MLLT3: variants seen among roughly 807,000 people sequenced by gnomAD.
MLLT3 encodes the protein MLLT3 super elongation complex subunit.
In MLLT3, 4 loss-of-function variants were observed where a neutral mutation model predicts 53.2. That is an observed-to-expected ratio of 0.08 (90% CI 0.04 to 0.17). The LOEUF (loss-of-function observed/expected upper bound fraction) is 0.17. Ranked by LOEUF, MLLT3 falls within the 10% of genes least tolerant of loss-of-function variation. The pLI is 1.00. For synonymous variants in MLLT3, 283 were observed against 230.6 expected (o/e 1.23, Z -2.06); for missense variants, 569 against 684.0 (o/e 0.83, Z 1.87).
At chr9:20,396,160 G>GC (rs558948069) in intron 5 of MLLT3, among the ~76,000 whole-genome samples, 2 of 148,818 alleles carry the variant, frequency 1.3e-5, no homozygotes. Context: ...TATTTTCAGG[G>GC]TTTTTTTTTT....
intron 4 of MLLT3, among the ~76,000 whole-genome samples, chr9:20,443,857 T>C (rs1823619888): frequency 1.3e-5 from 2 of 152,302 alleles, no homozygotes; most frequent in African/African-American, 2.4e-5. Context: ...TAAACTGAGA[T>C]GCAAAAAGAT....
At chr9:20,409,140 T>C (rs778662650) in intron 5 of MLLT3, among the ~76,000 whole-genome samples, 7 of 152,192 alleles carry the variant, frequency 4.6e-5, no homozygotes, top group Non-Finnish European at 8.8e-5. Flanking sequence ...GGAAAGATCA[T>C]TAAAACTTTT....
At chr9:20,445,107 T>C (rs1347355488) in intron 4 of MLLT3, among the ~76,000 whole-genome samples, 3 of 151,602 alleles carry the variant, frequency 2.0e-5, no homozygotes, top group Non-Finnish European at 4.4e-5. Context: ...AAAAAAAAAG[T>C]TCGTCGGGCT....
At chr9:20,546,710 G>C (rs1315329109) in intron 2 of MLLT3, among the ~76,000 whole-genome samples, 5 of 152,334 alleles carry the variant, frequency 3.3e-5, no homozygotes. Context: ...CCAACCCGGA[G>C]ATCCATTCCT....
chr9:20,400,301 G>A (rs1822423051), intron 5 of MLLT3, among the ~76,000 whole-genome samples: 1 of 152,052 alleles, frequency 6.6e-6, no homozygotes, highest in Admixed American at 6.6e-5. Context: ...AGAGAGATGA[G>A]GGAGAACCTA....
intron 2 of MLLT3, among the ~76,000 whole-genome samples, chr9:20,545,133 G>C (rs1198619146): frequency 2.2e-5 from 3 of 139,056 alleles, no homozygotes; most frequent in Non-Finnish European, 3.1e-5. Flanking sequence ...AGCAGCAGCA[G>C]CATTATTGAC....
chr9:20,566,996 T>C (rs566883332), intron 2 of MLLT3, among the ~76,000 whole-genome samples: 2 of 152,226 alleles, frequency 1.3e-5, no homozygotes, highest in South Asian at 4.1e-4. Context: ...TCTTATTAAC[T>C]GTCTTAAAGG....
chr9:20,618,537 A>C (rs948204927), intron 2 of MLLT3, among the ~76,000 whole-genome samples: 1 of 152,204 alleles, frequency 6.6e-6, no homozygotes, highest in Non-Finnish European at 1.5e-5. Context: ...TACAAATAAA[A>C]ATCCAAAAAT....
chr9:20,490,792 AC>A (rs1824928872), intron 2 of MLLT3, among the ~76,000 whole-genome samples: 1 of 152,198 alleles, frequency 6.6e-6, no homozygotes. Flanking sequence ...TCTCACAACA[AC>A]CCTGAAAAGT....
chr9:20,509,186 G>C (rs1375696371), intron 2 of MLLT3, among the ~76,000 whole-genome samples: 1 of 152,184 alleles, frequency 6.6e-6, no homozygotes, highest in Admixed American at 6.5e-5. Context: ...TCTCCATTCA[G>C]AGTCCAGACT....
chr9:20,392,999 T>C, intron 5 of MLLT3, among the ~76,000 whole-genome samples: 1 of 152,050 alleles, frequency 6.6e-6, no homozygotes, highest in East Asian at 1.9e-4. Context: ...CTACTAAAAA[T>C]ACAAAATTAG....
At chr9:20,450,418 A>C (rs1175252916) in intron 3 of MLLT3, among the ~76,000 whole-genome samples, 1 of 152,188 alleles carries the variant, frequency 6.6e-6, no homozygotes, top group Non-Finnish European at 1.5e-5. Context: ...TTAATGGTTC[A>C]TCATTTTCTG....
At chr9:20,509,479 T>C (rs2118957619) in intron 2 of MLLT3, among the ~76,000 whole-genome samples, 1 of 152,332 alleles carries the variant, frequency 6.6e-6, no homozygotes, top group South Asian at 2.1e-4. Flanking sequence ...ACCCAGGCAT[T>C]GAGTAAGAGG....
chr9:20,372,554 ATTTTTTTTTTTTT>A (rs34889625), intron 5 of MLLT3, among the ~76,000 whole-genome samples: 6 of 82,224 alleles, frequency 7.3e-5, no homozygotes, highest in South Asian at 5.4e-4. Context: ...CGCCCGGCTA[ATTTTTTTTTTTTT>A]TTTTTTTTTT....
chr9:20,594,023 A>G (rs1206389996), intron 2 of MLLT3, among the ~76,000 whole-genome samples: 2 of 149,220 alleles, frequency 1.3e-5, no homozygotes, highest in African/African-American at 5.0e-5. Context: ...TCACTGCAAC[A>G]TCCGTCTCCT....
chr9:20,515,275 A>G (rs1389901156), intron 2 of MLLT3, among the ~76,000 whole-genome samples: 4 of 152,128 alleles, frequency 2.6e-5, no homozygotes, highest in Non-Finnish European at 4.4e-5. Context: ...CAATGCTCCA[A>G]TTGTTTATAA....
chr9:20,401,284 T>G (rs1800417324), intron 5 of MLLT3, among the ~76,000 whole-genome samples: 1 of 152,128 alleles, frequency 6.6e-6, no homozygotes, highest in Non-Finnish European at 1.5e-5. Context: ...TGAAAAAATA[T>G]GTTAATAACT....
In MLLT3 at chr9:20,588,322, C is replaced by A. The variant is rs1475168376; in HGVS notation, c.193+32332G>T. Among the ~76,000 whole-genome samples the A allele has an allele frequency of 4.7e-5, 7 of 149,928 alleles. No homozygotes were observed. The East Asian group carries it at 1.2e-3, about 25-fold the overall frequency. On this transcript the variant is annotated intron_variant, in intron 2 of 10. Transcript: ENST00000380338. ...TTGGCTTAGGATTGACTTGGCGATG[C>A]GGGCTCTTTTTTGGTTCCATATGAA...
rs758938712 is a variant in MLLT3, at chr9:20,364,471, CA to C, written c.1202-867del. 2.1e-3 allele frequency among the ~76,000 whole-genome samples: 322 copies of C among 152,234 alleles called. 2 individuals carry two copies. Among genetic ancestry groups the C allele is most frequent in the Non-Finnish European group, 3.6e-3 (245 of 67,996 alleles). ...ATCTTAACAGAAGAGGTTATAAAGA[CA>C]ATGAAGAAAGAGAGACACTTTCATT... On this transcript the variant is annotated intron_variant, in intron 6 of 10. Coordinates refer to ENST00000380338, the MANE Select transcript of MLLT3 (RefSeq NM_004529.4).
Sources: gnomAD v4.1 joint callset for allele counts (sites outside exome capture counted in the v4.1 genomes callset) on GRCh38, gnomAD v4.1.1 for gene constraint, MANE v1.5 for transcripts, NCBI Gene and HGNC (gene_info 2026-07-23, HGNC 2026-07-21) for gene names.